EXT2: variants seen among roughly 807,000 people sequenced by gnomAD.
EXT2 encodes exostosin glycosyltransferase 2.
EXT2 carries 53 observed loss-of-function variants against 81.6 expected under a neutral mutation model. The observed-to-expected ratio is 0.65, with a 90% CI of 0.52 to 0.82. EXT2 has a LOEUF of 0.82. EXT2 is among the 40% of genes least tolerant of loss of function. The pLI is 0.00. For synonymous variants in EXT2, 320 were observed against 340.0 expected (o/e 0.94, Z 0.65); for missense variants, 774 against 910.2 (o/e 0.85, Z 1.93).
intron 8 of EXT2, among the ~76,000 whole-genome samples, chr11:44,190,221 G>A (rs1261976051): frequency 6.6e-6 from 1 of 152,226 alleles, no homozygotes; most frequent in Admixed American, 6.5e-5. Context: ...TGAGAGGCAT[G>A]ATGAAATACT....
intron 10 of EXT2, among the ~76,000 whole-genome samples, chr11:44,212,937 T>C (rs1309946948): frequency 6.6e-6 from 1 of 152,146 alleles, no homozygotes; most frequent in African/African-American, 2.4e-5. Flanking sequence ...GCTTTTCAGG[T>C]GATGGAAATG....
intron 9 of EXT2, among the ~76,000 whole-genome samples, chr11:44,203,440 C>A (rs1386687854): frequency 6.6e-6 from 1 of 152,066 alleles, no homozygotes; most frequent in Non-Finnish European, 1.5e-5. Flanking sequence ...AGCAGGAAAC[C>A]CAGTCATGCC....
At chr11:44,242,168 C>G (rs1283917461) in intron 13 of EXT2, among the ~76,000 whole-genome samples, 1 of 152,206 alleles carries the variant, frequency 6.6e-6, no homozygotes, top group African/African-American at 2.4e-5. Flanking sequence ...AGTACCTATG[C>G]TGGGAACAGC....
intron 10 of EXT2, among the ~76,000 whole-genome samples, chr11:44,226,692 T>C (rs1955841642): frequency 6.6e-6 from 1 of 152,246 alleles, no homozygotes; most frequent in African/African-American, 2.4e-5. Flanking sequence ...AGCTGCCCCT[T>C]TCCCATCTGG....
rs888042369 is a variant in EXT2 at position 44,246,696 on chromosome 11, G to A, written c.*2409G>A. Among the ~76,000 whole-genome samples the A allele has an allele frequency of 3.3e-5, 5 of 152,204 alleles. No homozygotes were observed. The highest frequency in any genetic ancestry group is 1.2e-4 in the African/African-American group (5 of 41,432). ...ACAGTCACCGTAGAAATTCAAGACAGGGATATAGCAGGTGATGGCGATTCA... is the reference window on the plus strand; with the variant it reads ...ACAGTCACCGTAGAAATTCAAGACAAGGATATAGCAGGTGATGGCGATTCA... On this transcript the variant is annotated 3_prime_UTR_variant, in exon 14 of 14. Transcript: ENST00000533608.
chr11:44,096,139 C>G, intron 1 of EXT2: 1 of 1,024,054 alleles, frequency 9.8e-7, no homozygotes, highest in East Asian at 2.6e-5. Flanking sequence ...AACCTTCGCC[C>G]CCAGTCCGCT....
chr11:44,225,288 C>G (rs1230137814), intron 10 of EXT2, among the ~76,000 whole-genome samples: 3 of 152,154 alleles, frequency 2.0e-5, no homozygotes, highest in Non-Finnish European at 4.4e-5. Flanking sequence ...GCCTCAGAGC[C>G]TCACAGATTA....
chr11:44,236,824 C>G (rs977509748), intron 13 of EXT2, among the ~76,000 whole-genome samples: 1 of 152,148 alleles, frequency 6.6e-6, no homozygotes, highest in Non-Finnish European at 1.5e-5. Context: ...AGAACAGGAT[C>G]GAAAGCAAAG....
At chr11:44,168,327 G>T (rs1955023984) in intron 7 of EXT2, among the ~76,000 whole-genome samples, 1 of 152,186 alleles carries the variant, frequency 6.6e-6, no homozygotes, top group African/African-American at 2.4e-5. Flanking sequence ...ACTGAAAAGA[G>T]AATAAGAGAT....
At position 44,251,635 on chromosome 11, in the gene EXT2, A is replaced by C. The variant is rs1366934196; in HGVS notation, c.*7348A>C. ...ATCTGAACCTGAAGGCTATTACTGA[A>C]GAGAATTGCATCTGACAACAAAATT... On this transcript the variant is annotated 3_prime_UTR_variant, in exon 14 of 14. Transcript: ENST00000533608. 1.3e-5 allele frequency among the ~76,000 whole-genome samples: 2 copies of C among 152,218 alleles called. No individual in the cohort carries two copies. The highest frequency in any genetic ancestry group is 2.9e-5 in the Non-Finnish European group (2 of 68,032).
At chr11:44,198,264 C>T (rs1955482259) in intron 9 of EXT2, 1 of 557,916 alleles carries the variant, frequency 1.8e-6, no homozygotes, top group Non-Finnish European at 3.2e-6. Flanking sequence ...GGCTATCAGC[C>T]TTAGGAAAAC....
At chr11:44,134,926 A>G (rs1954544136) in intron 7 of EXT2, among the ~76,000 whole-genome samples, 1 of 152,186 alleles carries the variant, frequency 6.6e-6, no homozygotes. Context: ...CTAGCCTTTA[A>G]CACTTGGGGT....
At chr11:44,136,326 G>A (rs1013110227) in intron 7 of EXT2, among the ~76,000 whole-genome samples, 1 of 152,132 alleles carries the variant, frequency 6.6e-6, no homozygotes, top group African/African-American at 2.4e-5. Context: ...TTTTTTATGT[G>A]AAGAAACTAA....
At chr11:44,191,827 G>A (rs1955395277) in intron 8 of EXT2, among the ~76,000 whole-genome samples, 1 of 152,090 alleles carries the variant, frequency 6.6e-6, no homozygotes, top group South Asian at 2.1e-4. Context: ...CTTTCTCCAC[G>A]CTGTCACTGA....
At chr11:44,237,373 C>G (rs1955978132) in intron 13 of EXT2, among the ~76,000 whole-genome samples, 1 of 152,044 alleles carries the variant, frequency 6.6e-6, no homozygotes, top group Non-Finnish European at 1.5e-5. Context: ...ATAAACATTA[C>G]CCAGATGACA....
intron 9 of EXT2, among the ~76,000 whole-genome samples, chr11:44,198,644 C>T (rs1955487206): frequency 6.6e-6 from 1 of 152,188 alleles, no homozygotes; most frequent in South Asian, 2.1e-4. Context: ...GTTTCTCATT[C>T]AGTCTGTGTA....
intron 1 of EXT2, 76 bp downstream of exon 1, chr11:44,095,928 G>A: frequency 3.1e-6 from 1 of 325,220 alleles, no homozygotes; most frequent in Admixed American, 5.2e-5. Context: ...CCGCTGCTGG[G>A]TCGGGACAAG....
intron 10 of EXT2, among the ~76,000 whole-genome samples, chr11:44,226,316 A>T (rs942449283): frequency 1.3e-5 from 2 of 152,186 alleles, no homozygotes; most frequent in African/African-American, 4.8e-5. Context: ...GACTAAAGTG[A>T]TCTCACAGGT....
At chr11:44,207,865 C>G (rs765784048) in intron 10 of EXT2, among the ~76,000 whole-genome samples, 3 of 151,994 alleles carry the variant, frequency 2.0e-5, no homozygotes, top group Non-Finnish European at 4.4e-5. Context: ...TCCCCTCCCC[C>G]CCGACACTAT....
Sources: gnomAD v4.1 joint callset for allele counts (sites outside exome capture counted in the v4.1 genomes callset) on GRCh38, gnomAD v4.1.1 for gene constraint, MANE v1.5 for transcripts, NCBI Gene and HGNC (gene_info 2026-07-23, HGNC 2026-07-21) for gene names.